SPATA13: variants seen among roughly 807,000 people sequenced by gnomAD.
SPATA13 encodes spermatogenesis-associated protein 13.
In SPATA13, 50 loss-of-function variants were observed where a neutral mutation model predicts 104.0. The ratio of observed to expected loss-of-function variants is 0.48; its 90% CI spans 0.38 to 0.61. The LOEUF (loss-of-function observed/expected upper bound fraction) is 0.61, where lower values mean the gene tolerates loss of function less well. SPATA13 is among the 20% of genes least tolerant of loss of function. SPATA13 has a pLI of 0.00. For synonymous variants in SPATA13, 606 were observed against 667.5 expected (o/e 0.91, Z 1.42); for missense variants, 1,524 against 1,690.6 (o/e 0.90, Z 1.73).
chr13:24,098,963 G>A (rs927146913), intron 3 of SPATA13, among the ~76,000 whole-genome samples: 3 of 151,636 alleles, frequency 2.0e-5, no homozygotes, highest in East Asian at 3.9e-4. Context: ...TTAGCCAAGC[G>A]TAATGTCATG....
Position 24,054,330 on chromosome 13 carries a change from T to C in SPATA13, c.-112+36629T>C, listed in dbSNP as rs529097243. Among the ~76,000 whole-genome samples the C allele has an allele frequency of 2.5e-4, 38 of 152,296 alleles. 2 individuals are homozygous for C. In the South Asian group the frequency reaches 7.9e-3, roughly 32 times the overall value. ...TGCAGCCATCTTAGATAGATGAATG[T>C]GAAGTTTAACGAAATTAGCTCTGTC... is the stretch of plus-strand genomic sequence containing the variant. On this transcript the variant is annotated intron_variant, in intron 3 of 14. Transcript: ENST00000424834.
chr13:24,049,108 A>G (rs114323817), intron 3 of SPATA13, among the ~76,000 whole-genome samples: 4,491 of 152,316 alleles, frequency 0.029, 215 homozygotes, highest in African/African-American at 0.1. Context: ...CCTGGACATG[A>G]TGAGGAGCCT....
At chr13:24,294,680 G>T (rs1275749213) in intron 9 of SPATA13, 59 bp from the exon 10 acceptor site, 2 of 1,523,808 alleles carry the variant, frequency 1.3e-6, no homozygotes, top group Non-Finnish European at 1.8e-6. Flanking sequence ...GGATTATTTT[G>T]CCAGTCCTCA....
chr13:24,241,229 G>A (rs935288579), intron 2 of SPATA13, among the ~76,000 whole-genome samples: 1 of 152,316 alleles, frequency 6.6e-6, no homozygotes, highest in Non-Finnish European at 1.5e-5. Flanking sequence ...CATAGAAAGA[G>A]TAACCCAGTA....
chr13:24,294,919 C>G, intron 10 of SPATA13, 51 bp downstream of exon 10: 1 of 1,568,430 alleles, frequency 6.4e-7, no homozygotes, highest in Non-Finnish European at 8.7e-7. Context: ...CTTCCCGCAC[C>G]TTTGATCTGG....
chr13:24,068,134 C>T lies in SPATA13; in HGVS notation c.-112+50433C>T, dbSNP rs1007667804. ...CATTAAGCCAAGTGGCCATTAGTTA[C>T]TTTGCCTGATCCTCTTTGCCTCTCA... is the stretch of plus-strand genomic sequence containing the variant. On this transcript the variant is annotated intron_variant, in intron 3 of 14. Transcript: ENST00000424834. 2.0e-5 allele frequency among the ~76,000 whole-genome samples: 3 copies of T among 152,138 alleles called. No homozygotes were observed. In the East Asian group the frequency reaches 5.8e-4, roughly 29 times the overall value.
chr13:24,165,190 C>G (rs1034665363), intron 1 of SPATA13, among the ~76,000 whole-genome samples: 2 of 152,134 alleles, frequency 1.3e-5, no homozygotes, highest in South Asian at 4.1e-4. Flanking sequence ...CACCCATTTC[C>G]CTGAAGCGGG....
intron 3 of SPATA13, among the ~76,000 whole-genome samples, chr13:24,106,645 A>G (rs1353678310): frequency 6.6e-6 from 1 of 152,172 alleles, no homozygotes; most frequent in Non-Finnish European, 1.5e-5. Flanking sequence ...TTTGTTTCCA[A>G]TGTGGAATCC....
intron 3 of SPATA13, among the ~76,000 whole-genome samples, chr13:24,057,720 G>A (rs974812887): frequency 6.6e-6 from 1 of 151,730 alleles, no homozygotes; most frequent in Non-Finnish European, 1.5e-5. Context: ...CCGTATATAT[G>A]TGTGATCTTT....
chr13:24,039,251 G>A (rs1877826559), intron 3 of SPATA13, among the ~76,000 whole-genome samples: 1 of 152,214 alleles, frequency 6.6e-6, no homozygotes, highest in African/African-American at 2.4e-5. Context: ...GCGCCTGGCT[G>A]TGGCTGCAGC....
chr13:24,224,041 A>C lies in SPATA13; in HGVS notation c.1112A>C (p.Gln371Pro). The change falls in exon 2 of 13, where the codon CAG becomes CCG. Residue 371 changes from glutamine (Q) to proline (P), a missense_variant. This residue lies in a region of SPATA13 where 1,089 missense variants were observed against 1,135.9 expected (regional missense o/e 0.96). Coordinates refer to ENST00000382108, the MANE Select transcript of SPATA13 (RefSeq NM_001166271.3). The stretch of plus-strand genomic sequence containing the variant: ...CGCCGCGTCTCCAGGAGCACTGAGC[A>C]GGACAGCAGGCGGGGCGGGGCGGTC... ...YSRRVSRSTE[Q>P]DSRRGGAVMH... 6.5e-7 allele frequency: 1 copy of C among 1,549,442 alleles called. No individual in the cohort carries two copies. Among genetic ancestry groups the C allele is most frequent in the Non-Finnish European group, 8.7e-7 (1 of 1,145,830 alleles).
intron 3 of SPATA13, among the ~76,000 whole-genome samples, chr13:24,041,629 T>C (rs1354036037): frequency 6.6e-6 from 1 of 152,232 alleles, no homozygotes; most frequent in African/African-American, 2.4e-5. Context: ...CTTTTCATTC[T>C]TTTTCTTCTT....
At chr13:24,056,112 T>G (rs972886388) in intron 3 of SPATA13, among the ~76,000 whole-genome samples, 1 of 152,186 alleles carries the variant, frequency 6.6e-6, no homozygotes, top group Non-Finnish European at 1.5e-5. Flanking sequence ...GATAGAAAGA[T>G]GGGATGAAGG....
chr13:24,002,343 G>A (rs1340195899), intron 2 of SPATA13, among the ~76,000 whole-genome samples: 3 of 152,152 alleles, frequency 2.0e-5, no homozygotes, highest in South Asian at 2.1e-4. Flanking sequence ...AGATGAAAAC[G>A]TTCTGTCGTC....
At chr13:24,235,241 A>G (rs887305084) in intron 2 of SPATA13, among the ~76,000 whole-genome samples, 6 of 152,214 alleles carry the variant, frequency 3.9e-5, no homozygotes, top group African/African-American at 7.2e-5. Flanking sequence ...AAGCTACTGA[A>G]TTAGAGTCCC....
intron 3 of SPATA13, among the ~76,000 whole-genome samples, chr13:24,025,237 A>G (rs1358384070): frequency 3.3e-5 from 5 of 151,880 alleles, no homozygotes; most frequent in African/African-American, 1.2e-4. Context: ...ATTTGTATGC[A>G]TTCTCCTTCT....
chr13:24,122,524 G>A (rs1401604297), intron 3 of SPATA13: 31 of 1,598,980 alleles, frequency 1.9e-5, no homozygotes, highest in Middle Eastern at 1.7e-4. Flanking sequence ...ATCACTCCCC[G>A]GTTCCTCTGG....
chr13:24,117,182 T>C (rs942136447), intron 3 of SPATA13, among the ~76,000 whole-genome samples: 1 of 152,232 alleles, frequency 6.6e-6, no homozygotes, highest in Non-Finnish European at 1.5e-5. Context: ...CTATAACAAC[T>C]GTACCTACAT....
At position 24,091,672 on chromosome 13, in the gene SPATA13, G is replaced by A. The variant is rs140779418; in HGVS notation, c.-112+73971G>A. On this transcript the variant is annotated intron_variant, in intron 3 of 14. Coordinates refer to the SPATA13 transcript ENST00000424834. ...CTAAAAATACACAAAGTAGCTAAGC[G>A]TGGTGGTGTGCACCTGTAATCCCAG... 5.6e-3 allele frequency among the ~76,000 whole-genome samples: 852 copies of A among 152,302 alleles called. 2 individuals carry two copies. The highest frequency in any genetic ancestry group is 0.019 in the African/African-American group (804 of 41,566).
Sources: gnomAD v4.1 joint callset for allele counts (sites outside exome capture counted in the v4.1 genomes callset) on GRCh38, gnomAD v4.1.1 for gene constraint, gnomAD v4.1.1 regional missense constraint, MANE v1.5 for transcripts, NCBI Gene and HGNC (gene_info 2026-07-23, HGNC 2026-07-21) for gene names.